Variants in CMTM7 observed in about 807,000 individuals in gnomAD.
CMTM7 encodes the protein CKLF-like MARVEL transmembrane domain-containing protein 7.
CMTM7 carries 7 observed loss-of-function variants against 19.3 expected under a neutral mutation model. The ratio of observed to expected loss-of-function variants is 0.36; its 90% CI spans 0.21 to 0.68. The LOEUF is 0.68. CMTM7 is among the 30% of genes least tolerant of loss of function. The probability of loss-of-function intolerance (pLI) is 0.60; values close to 1 mark genes in which losing one functional copy is unlikely to be tolerated. For missense variants in CMTM7, 193 were observed against 232.6 expected (o/e 0.83, Z 1.11); for synonymous variants, 87 against 99.3 (o/e 0.88, Z 0.74).
At chr3:32,437,727 C>A (rs539978596) in intron 1 of CMTM7, among the ~76,000 whole-genome samples, 1 of 152,036 alleles carries the variant, frequency 6.6e-6, no homozygotes, top group Non-Finnish European at 1.5e-5. Context: ...CCTGTCTCTA[C>A]TAAAAATACA....
intron 1 of CMTM7, among the ~76,000 whole-genome samples, chr3:32,402,441 T>C (rs1208227389): frequency 3.9e-5 from 6 of 152,150 alleles, no homozygotes; most frequent in South Asian, 2.1e-4. Context: ...GAAAGACCGA[T>C]TGATAACCAG....
intron 1 of CMTM7, 119 bp downstream of exon 1, chr3:32,392,184 G>A (rs376212525): frequency 7.5e-6 from 6 of 800,360 alleles, no homozygotes; most frequent in African/African-American, 7.2e-5. Flanking sequence ...ATCGCGCAGC[G>A]GGCGGGGCAC....
At chr3:32,433,540 C>G (rs898471060) in intron 1 of CMTM7, among the ~76,000 whole-genome samples, 1 of 152,148 alleles carries the variant, frequency 6.6e-6, no homozygotes, top group African/African-American at 2.4e-5. Flanking sequence ...GTACATTCTA[C>G]CAAGTGTAAA....
intron 1 of CMTM7, among the ~76,000 whole-genome samples, chr3:32,430,714 T>TGTGTGTGTGTGAGA (rs10634592): frequency 1.3e-5 from 2 of 149,596 alleles, no homozygotes; most frequent in South Asian, 2.1e-4. Flanking sequence ...TGTGTGTGTG[T>TGTGTGTGTGTGAGA]GACACAGCTC....
At chr3:32,394,219 T>C (rs1300796845) in intron 1 of CMTM7, among the ~76,000 whole-genome samples, 2 of 152,236 alleles carry the variant, frequency 1.3e-5, no homozygotes. Flanking sequence ...TCTAAGACTC[T>C]GCTTGGGCAT....
At chr3:32,392,492 C>T (rs1695852799) in intron 1 of CMTM7, among the ~76,000 whole-genome samples, 1 of 152,254 alleles carries the variant, frequency 6.6e-6, no homozygotes, top group Non-Finnish European at 1.5e-5. Flanking sequence ...GACCTCTTCC[C>T]CGTCCACGGC....
At chr3:32,402,525 A>G (rs938429427) in intron 1 of CMTM7, among the ~76,000 whole-genome samples, 1 of 152,194 alleles carries the variant, frequency 6.6e-6, no homozygotes, top group Non-Finnish European at 1.5e-5. Context: ...AAGCTGTGTC[A>G]TGCTCATTTG....
intron 1 of CMTM7, among the ~76,000 whole-genome samples, chr3:32,434,679 C>A (rs1277746023): frequency 2.0e-5 from 3 of 149,410 alleles, no homozygotes; most frequent in Non-Finnish European, 3.0e-5. Flanking sequence ...AAAAATGATG[C>A]ATAGATTTGA....
chr3:32,409,847 T>C (rs1317756260), intron 1 of CMTM7, among the ~76,000 whole-genome samples: 1 of 151,040 alleles, frequency 6.6e-6, no homozygotes, highest in East Asian at 2.3e-4. Context: ...CTGAAGTTAA[T>C]AGTTAGTAGT....
At chr3:32,407,317 C>T (rs1194163870) in intron 1 of CMTM7, among the ~76,000 whole-genome samples, 1 of 152,110 alleles carries the variant, frequency 6.6e-6, no homozygotes, top group Non-Finnish European at 1.5e-5. Context: ...TTTTTCCTGT[C>T]CACTGAAAGA....
intron 1 of CMTM7, among the ~76,000 whole-genome samples, chr3:32,428,237 CCCCAGGCCCTTTGCAACAAACCCCATT>C (rs151123299): frequency 0.032 from 4,920 of 152,242 alleles, 119 homozygotes; most frequent in Middle Eastern, 0.054. Context: ...TGAGAGGGCT[CCCCAGGCCCTTTGCAACAAACCCCATT>C]GCCAGAGGTG....
At chr3:32,421,759 A>G (rs1696347794) in intron 1 of CMTM7, among the ~76,000 whole-genome samples, 1 of 152,198 alleles carries the variant, frequency 6.6e-6, no homozygotes, top group South Asian at 2.1e-4. Flanking sequence ...CTTTGTGCCA[A>G]GACCTCAAAC....
At chr3:32,425,692 G>A (rs1696421275) in intron 1 of CMTM7, among the ~76,000 whole-genome samples, 1 of 152,096 alleles carries the variant, frequency 6.6e-6, no homozygotes, top group South Asian at 2.1e-4. Context: ...TTAAAATGTA[G>A]AAAGGTACAA....
chr3:32,429,798 A>G (rs1243496324), intron 1 of CMTM7, among the ~76,000 whole-genome samples: 2 of 151,946 alleles, frequency 1.3e-5, no homozygotes, highest in Admixed American at 6.6e-5. Context: ...ACGGGGTTTC[A>G]CTGTGTTAGT....
At chr3:32,394,407 C>T (rs2125615994) in intron 1 of CMTM7, among the ~76,000 whole-genome samples, 1 of 152,296 alleles carries the variant, frequency 6.6e-6, no homozygotes, top group Non-Finnish European at 1.5e-5. Context: ...TTGTCCTCAG[C>T]TTCTCATGAA....
chr3:32,452,254 G>A, intron 3 of CMTM7, 138 bp from the exon 4 acceptor site: 1 of 1,559,102 alleles, frequency 6.4e-7, no homozygotes, highest in Admixed American at 1.9e-5. Flanking sequence ...GGATGAGGTG[G>A]TTGGGTTAGA....
chr3:32,441,879 C>T lies in CMTM7; in HGVS notation c.199C>T (p.Leu67=), dbSNP rs1352452065. ...TGCCTTCATCTGTGTGCGGAGCTCC[C>T]TGTGGACCAACTACAGCGCCTACAG... ...LIAFICVRSS[L]WTNYSAYSYF... is the part of the protein sequence containing the mutation. Residue 67 remains leucine (L), a synonymous_variant, in exon 2 of 5, where the codon CTG becomes TTG. Transcript: ENST00000334983. 6.2e-7 allele frequency: 1 copy of T among 1,614,196 alleles called. No homozygotes were observed. The highest frequency in any genetic ancestry group is 8.5e-7 in the Non-Finnish European group (1 of 1,180,022).
intron 1 of CMTM7, among the ~76,000 whole-genome samples, chr3:32,440,225 G>T (rs1260147504): frequency 1.3e-5 from 2 of 151,906 alleles, no homozygotes; most frequent in Non-Finnish European, 2.9e-5. Flanking sequence ...TGGCCAACAT[G>T]GTGGAACCCC....
At chr3:32,393,219 C>G (rs755210548) in intron 1 of CMTM7, among the ~76,000 whole-genome samples, 6 of 152,108 alleles carry the variant, frequency 3.9e-5, no homozygotes, top group Non-Finnish European at 8.8e-5. Context: ...TTGGGCCAGA[C>G]CTAAAGAGAA....
Sources: gnomAD v4.1 joint callset for allele counts (sites outside exome capture counted in the v4.1 genomes callset) on GRCh38, gnomAD v4.1.1 for gene constraint, MANE v1.5 for transcripts, NCBI Gene and HGNC (gene_info 2026-07-23, HGNC 2026-07-21) for gene names.